RBFOX1: variants seen among roughly 807,000 people sequenced by gnomAD.
RBFOX1 encodes the protein RNA binding protein fox-1 homolog 1.
In RBFOX1, 8 loss-of-function variants were observed where a neutral mutation model predicts 57.7. The observed-to-expected ratio is 0.14, with a 90% confidence interval of 0.08 to 0.25. The LOEUF is 0.25. Ranked by LOEUF, RBFOX1 falls within the 10% of genes least tolerant of loss-of-function variation. The pLI is 1.00. For missense variants in RBFOX1, 611 were observed against 548.5 expected (o/e 1.11, Z -1.14); for synonymous variants, 326 against 222.4 (o/e 1.47, Z -4.15).
chr16:7,205,257 C>T (rs1008463546), intron 4 of RBFOX1, among the ~76,000 whole-genome samples: 1 of 152,052 alleles, frequency 6.6e-6, no homozygotes, highest in Non-Finnish European at 1.5e-5. Context: ...GCGGCTCACA[C>T]CTGTAATCCC....
chr16:6,521,693 A>T (rs1349838140), intron 2 of RBFOX1, among the ~76,000 whole-genome samples: 1 of 152,166 alleles, frequency 6.6e-6, no homozygotes, highest in East Asian at 1.9e-4. Flanking sequence ...TTGTTTGGAT[A>T]GCCAGAAAAC....
intron 2 of RBFOX1, among the ~76,000 whole-genome samples, chr16:6,477,339 C>A (rs1410897527): frequency 1.3e-5 from 2 of 152,146 alleles, no homozygotes; most frequent in African/African-American, 4.8e-5. Context: ...GACTGGAAAT[C>A]AAAATTATTC....
chr16:6,050,556 C>G (rs1423542999), intron 1 of RBFOX1, among the ~76,000 whole-genome samples: 1 of 152,128 alleles, frequency 6.6e-6, no homozygotes, highest in Non-Finnish European at 1.5e-5. Flanking sequence ...GCTATTTAAT[C>G]TCCATGGGCT....
chr16:7,433,216 A>C (rs1303673140), intron 4 of RBFOX1, among the ~76,000 whole-genome samples: 1 of 152,210 alleles, frequency 6.6e-6, no homozygotes, highest in African/African-American at 2.4e-5. Context: ...TTTAATATGC[A>C]AAAAGGTTTT....
intron 2 of RBFOX1, among the ~76,000 whole-genome samples, chr16:6,420,223 C>T (rs138162160): frequency 6.6e-6 from 1 of 152,072 alleles, no homozygotes; most frequent in African/African-American, 2.4e-5. Context: ...AAAAATGTAC[C>T]TTCAGCAAAA....
intron 1 of RBFOX1, among the ~76,000 whole-genome samples, chr16:6,172,100 CATG>C (rs750313663): frequency 2.0e-5 from 3 of 152,098 alleles, no homozygotes; most frequent in Non-Finnish European, 2.9e-5. Context: ...GTATTACAGG[CATG>C]AGCCACCGAG....
rs534542754 is a variant in RBFOX1 at position 6,436,899 on chromosome 16, G to C, written c.-64+119842G>C. Among the ~76,000 whole-genome samples, 3 of 152,248 alleles carry C rather than the reference G, an allele frequency of 2.0e-5. No homozygotes were observed. The East Asian group carries it at 5.8e-4, about 29-fold the overall frequency. ...GACATTTAAGCAAACTGATAACATAGGGGGATTTATTATAAATTTTCTCTC... is the reference window on the plus strand; with the variant it reads ...GACATTTAAGCAAACTGATAACATACGGGGATTTATTATAAATTTTCTCTC... On this transcript the variant is annotated intron_variant, in intron 2 of 15. Coordinates refer to ENST00000550418, the MANE Select transcript of RBFOX1 (RefSeq NM_018723.4).
chr16:5,887,284 A>G (rs1236171408), intron 4 of RBFOX1, among the ~76,000 whole-genome samples: 1 of 152,220 alleles, frequency 6.6e-6, no homozygotes, highest in African/African-American at 2.4e-5. Context: ...TGGACACCAC[A>G]GCAGCCCCAG....
intron 4 of RBFOX1, among the ~76,000 whole-genome samples, chr16:7,246,933 G>A (rs949968825): frequency 1.3e-5 from 2 of 152,040 alleles, no homozygotes; most frequent in Non-Finnish European, 1.5e-5. Context: ...CCCATTTTAC[G>A]ACAGGGATGA....
At chr16:6,658,940 T>TTTCG (rs768077125) in intron 3 of RBFOX1, among the ~76,000 whole-genome samples, 1 of 144,286 alleles carries the variant, frequency 6.9e-6, no homozygotes, top group East Asian at 2.0e-4. Context: ...TTTTTTGTTT[T>TTTCG]TTTTGTTTTT....
At chr16:6,512,498 C>G (rs2096275714) in intron 2 of RBFOX1, among the ~76,000 whole-genome samples, 1 of 152,038 alleles carries the variant, frequency 6.6e-6, no homozygotes, top group Non-Finnish European at 1.5e-5. Flanking sequence ...CAGCATCAGA[C>G]CAAAGAAGCC....
intron 4 of RBFOX1, among the ~76,000 whole-genome samples, chr16:7,228,703 C>G (rs2093305632): frequency 6.6e-6 from 1 of 152,190 alleles, no homozygotes; most frequent in Non-Finnish European, 1.5e-5. Flanking sequence ...AAGCTCAATT[C>G]AGGACGACGT....
intron 2 of RBFOX1, among the ~76,000 whole-genome samples, chr16:6,553,325 G>C (rs1419122960): frequency 6.6e-6 from 1 of 152,238 alleles, no homozygotes; most frequent in African/African-American, 2.4e-5. Flanking sequence ...ATCGTGAAGT[G>C]CAGACGTAGG....
intron 14 of RBFOX1, among the ~76,000 whole-genome samples, chr16:7,679,318 A>G (rs2074158027): frequency 1.3e-5 from 2 of 152,222 alleles, no homozygotes; most frequent in African/African-American, 2.4e-5. Flanking sequence ...AGAAGTAGCA[A>G]TTGTGTAACC....
chr16:7,550,429 TTTGTAGCAGCAGAGCCGTG>T (rs1344359028), intron 5 of RBFOX1, among the ~76,000 whole-genome samples: 1 of 152,102 alleles, frequency 6.6e-6, no homozygotes, highest in Non-Finnish European at 1.5e-5. Context: ...CCGTGGAATG[TTTGTAGCAGCAGAGCCGTG>T]TTGTCCCATT....
intron 3 of RBFOX1, among the ~76,000 whole-genome samples, chr16:6,881,757 C>T (rs943803458): frequency 5.3e-5 from 8 of 152,196 alleles, no homozygotes; most frequent in African/African-American, 1.9e-4. Flanking sequence ...ATGAGCCAGG[C>T]ATGAGCTTAT....
intron 1 of RBFOX1, among the ~76,000 whole-genome samples, chr16:6,212,167 T>C (rs1261352496): frequency 6.6e-6 from 1 of 152,132 alleles, no homozygotes; most frequent in African/African-American, 2.4e-5. Context: ...CAATATGCTG[T>C]TAAGAATGAA....
chr16:6,917,139 C>T (rs1473523068), intron 3 of RBFOX1, among the ~76,000 whole-genome samples: 2 of 152,188 alleles, frequency 1.3e-5, no homozygotes, highest in Admixed American at 1.3e-4. Flanking sequence ...GTGTGAGCCA[C>T]TGTACCCAGC....
chr16:6,274,291 A>G (rs886672448), intron 1 of RBFOX1, among the ~76,000 whole-genome samples: 1 of 152,208 alleles, frequency 6.6e-6, no homozygotes, highest in Admixed American at 6.5e-5. Flanking sequence ...GAAACTGGGA[A>G]CAGCCTACAT....
Sources: allele counts gnomAD v4.1 joint callset (sites outside exome capture counted in the v4.1 genomes callset), GRCh38; gene constraint gnomAD v4.1.1; transcripts MANE v1.5; gene names NCBI Gene and HGNC (gene_info 2026-07-23, HGNC 2026-07-21).